PNISR: variants seen among roughly 807,000 people sequenced by gnomAD.
PNISR encodes arginine/serine-rich protein PNISR.
Under a neutral mutation model 93.4 loss-of-function variants are expected in PNISR, and 20 were observed. The observed-to-expected ratio is 0.21, with a 90% CI of 0.15 to 0.31. The LOEUF is 0.31. PNISR is among the 10% of genes least tolerant of loss of function. The pLI is 1.00. For synonymous variants in PNISR, 305 were observed against 306.5 expected (o/e 0.99, Z 0.05); for missense variants, 893 against 985.4 (o/e 0.91, Z 1.25).
rs753728017 is a variant in PNISR, at chr6:99,409,283, G to A, written c.563C>T (p.Pro188Leu). ...CTGGGGAGGTGCTGGAGGTCCTGGA[G>A]GTCCTGGTTGCCAATAAGGAGGATG... ...GFHPPYWQPG[P>L]PGPPAPPQNR... Residue 188 changes from proline (P) to leucine (L), a missense_variant, in exon 6 of 12, where the codon CCT becomes CTT. Coordinates refer to ENST00000369239, the MANE Select transcript of PNISR (RefSeq NM_032870.4). 13 of 1,613,704 alleles carry A rather than the reference G, an allele frequency of 8.1e-6. No individual in the cohort carries two copies. The East Asian group carries it at 2.5e-4, about 30-fold the overall frequency.
At chr6:99,418,513 T>C (rs939779906) in intron 1 of PNISR, among the ~76,000 whole-genome samples, 1 of 152,156 alleles carries the variant, frequency 6.6e-6, no homozygotes, top group East Asian at 1.9e-4. Context: ...AGGGTTTGAT[T>C]TGTATCACCT....
chr6:99,402,867 A>T, intron 10 of PNISR, 157 bp from the exon 11 acceptor site: 3 of 493,036 alleles, frequency 6.1e-6, no homozygotes, highest in Non-Finnish European at 1.1e-5. Context: ...TCAAACGCTT[A>T]AGGAGTTCAC....
intron 6 of PNISR, among the ~76,000 whole-genome samples, chr6:99,408,856 G>A (rs1776483875): frequency 6.6e-6 from 1 of 152,134 alleles, no homozygotes; most frequent in African/African-American, 2.4e-5. Flanking sequence ...GATTTAAAAG[G>A]AGAAGGGCTC....
In PNISR at chr6:99,401,496, C is replaced by G; in HGVS notation, c.1462G>C (p.Glu488Gln). Residue 488 changes from glutamate to glutamine, a missense_variant, in exon 12 of 12, where the codon GAA becomes CAA. Coordinates refer to ENST00000369239, the MANE Select transcript of PNISR (RefSeq NM_032870.4). ...TTTGGTTCTAAAACTGATGTGGTTTCATTTGGAGTTCTCTTCTTTTCATTA... is the reference window on the plus strand; with the variant it reads ...TTTGGTTCTAAAACTGATGTGGTTTGATTTGGAGTTCTCTTCTTTTCATTA... ...VVNEKKRTPNETTSVLEPKKE... is the reference protein window; with the variant it reads ...VVNEKKRTPNQTTSVLEPKKE... The G allele has an allele frequency of 6.2e-7, 1 of 1,613,074 alleles. No homozygotes were observed.
intron 5 of PNISR, chr6:99,410,535 T>C (rs1776775897): frequency 3.7e-6 from 2 of 535,364 alleles, no homozygotes; most frequent in Non-Finnish European, 6.6e-6. Flanking sequence ...GTAATGATCT[T>C]TTATACCATT....
Position 99,400,445 on chromosome 6 carries a change from G to A in PNISR, c.*95C>T. The A allele has an allele frequency of 2.0e-6, 3 of 1,468,358 alleles. No individual in the cohort carries two copies. The highest frequency in any genetic ancestry group is 2.7e-6 in the Non-Finnish European group (3 of 1,110,182). 91.0% of individuals were successfully genotyped at this position (1,468,358 alleles called of 1,614,324 possible). Reference sequence around the variant, plus strand: ...ATGATTATTTATCAAGTACCAAACTGAGTTTATTAAAGAGAGAGAGAAAGG... The same window carrying A: ...ATGATTATTTATCAAGTACCAAACTAAGTTTATTAAAGAGAGAGAGAAAGG... On this transcript the variant is annotated 3_prime_UTR_variant, in exon 12 of 12. Transcript: ENST00000369239.
Position 99,409,211 on chromosome 6 carries a change from G to A in PNISR, c.635C>T (p.Pro212Leu). ...PSSFRDRQRS[P>L]IALPVKQEPP... ...CTCCTGCTTCACAGGAAGTGCAATA[G>A]GTGAACGCTGACGATCCCTGAATGA... The change falls in exon 6 of 12, where the codon CCT becomes CTT. Residue 212 changes from proline to leucine, a missense_variant. Pro to Leu is a moderately conservative substitution (Grantham distance 98). Around this residue, in one of 3 missense-constraint regions of PNISR, gnomAD observed 866 missense variants for 935.1 expected, o/e 0.93. Transcript: ENST00000369239. 5.6e-6 allele frequency: 9 copies of A among 1,613,982 alleles called. No homozygotes were observed. Among genetic ancestry groups the A allele is most frequent in the Non-Finnish European group, 7.6e-6 (9 of 1,179,938 alleles).
chr6:99,411,953 T>C (rs545754045), intron 4 of PNISR: 12 of 219,848 alleles, frequency 5.5e-5, no homozygotes, highest in Admixed American at 1.5e-4. Flanking sequence ...GATTCCTCCA[T>C]AGTTTCAAGT....
chr6:99,406,236 G>A, intron 7 of PNISR, 68 bp from the exon 8 acceptor site: 1 of 1,015,226 alleles, frequency 9.9e-7, no homozygotes, highest in South Asian at 2.1e-5. Context: ...CTTACATACA[G>A]AAAATCTTAA....
rs144018677 is a variant in PNISR, at chr6:99,400,901, C to A, written c.2057G>T (p.Arg686Leu). ...DRKKKDKERE[R>L]EQDKRKEKQK... ...TTTCTCTTTTCTTTTATCCTGTTCACGTTCCCTTTCTTTGTCTTTCTTTTT... is the reference window on the plus strand; with the variant it reads ...TTTCTCTTTTCTTTTATCCTGTTCAAGTTCCCTTTCTTTGTCTTTCTTTTT... The change falls in exon 12 of 12, where the codon CGT becomes CTT. Residue 686 changes from arginine (R) to leucine (L), a missense_variant. By Grantham distance (102) the Arg-to-Leu change is moderately radical. Around this residue, in one of 3 missense-constraint regions of PNISR, gnomAD observed 866 missense variants for 935.1 expected, o/e 0.93. Transcript: ENST00000369239. 1.9e-6 allele frequency: 3 copies of A among 1,568,736 alleles called. No homozygotes were observed. In the South Asian group the frequency reaches 3.4e-5, roughly 18 times the overall value.
At chr6:99,404,791 T>A (rs1395979547) in intron 8 of PNISR, 89 bp from the exon 9 acceptor site, 1 of 685,296 alleles carries the variant, frequency 1.5e-6, no homozygotes, top group Non-Finnish European at 2.5e-6. Flanking sequence ...CAAAGCCATT[T>A]TTTTTTTCAG....
At chr6:99,412,780 G>A (rs769184920) in intron 3 of PNISR, 41 bp from the exon 4 acceptor site, 2 of 1,261,768 alleles carry the variant, frequency 1.6e-6, no homozygotes, top group Non-Finnish European at 2.2e-6. Context: ...CAGAATGTAG[G>A]AGTTAAAAGA....
chr6:99,416,114 A>G (rs1777663439), intron 2 of PNISR: 1 of 314,728 alleles, frequency 3.2e-6, no homozygotes, highest in South Asian at 1.6e-4. Context: ...TGAGGCCAAC[A>G]ACTGGTTTGG....
At chr6:99,416,789 T>C (rs910151184) in intron 1 of PNISR, among the ~76,000 whole-genome samples, 1 of 152,216 alleles carries the variant, frequency 6.6e-6, no homozygotes, top group African/African-American at 2.4e-5. Flanking sequence ...TAATAAAATG[T>C]ATTAATTTAA....
chr6:99,400,905 C>G lies in PNISR; in HGVS notation c.2053G>C (p.Glu685Gln). The change falls in exon 12 of 12, where the codon GAA (glutamate) becomes CAA (glutamine). Residue 685 changes from glutamate to glutamine, a missense_variant. By Grantham distance (29) the Glu-to-Gln change is conservative. Around this residue, in one of 3 missense-constraint regions of PNISR, gnomAD observed 866 missense variants for 935.1 expected, o/e 0.93. Coordinates refer to ENST00000369239, the MANE Select transcript of PNISR (RefSeq NM_032870.4). ...TCTTTTCTTTTATCCTGTTCACGTT[C>G]CCTTTCTTTGTCTTTCTTTTTCCTA... ...KDRKKKDKEREREQDKRKEKQ... is the reference protein window; with the variant it reads ...KDRKKKDKERQREQDKRKEKQ... 1.3e-6 allele frequency: 2 copies of G among 1,571,434 alleles called. No individual in the cohort carries two copies. Among genetic ancestry groups the G allele is most frequent in the Non-Finnish European group, 1.7e-6 (2 of 1,144,460 alleles).
intron 2 of PNISR, 47 bp downstream of exon 2, chr6:99,416,298 CAAAT>C: frequency 1.8e-6 from 1 of 544,998 alleles, no homozygotes; most frequent in Non-Finnish European, 2.8e-6. Flanking sequence ...TAAGAGTTAA[CAAAT>C]AAATAGGAAA....
Position 99,402,572 on chromosome 6 carries a change from T to C in PNISR, c.1295A>G (p.Glu432Gly). The part of the protein sequence containing the change: ...KQEAFWRKEK[E>G]QQLLHDKQME... The stretch of plus-strand genomic sequence containing the variant: ...CTGTTTATCATGTAATAGCTGCTGT[T>C]CTTTTTCTTTTCTCCAAAAAGCTTC... Residue 432 changes from glutamate (E) to glycine (G), a missense_variant, in exon 11 of 12, where the codon GAA becomes GGA. Glu to Gly is a moderately conservative substitution (Grantham distance 98). Coordinates refer to ENST00000369239, the MANE Select transcript of PNISR (RefSeq NM_032870.4). 1 of 1,613,618 alleles carries C rather than the reference T, an allele frequency of 6.2e-7. No homozygotes were observed. Among genetic ancestry groups the C allele is most frequent in the Non-Finnish European group, 8.5e-7 (1 of 1,179,670 alleles).
rs112969761 is a variant in PNISR at position 99,403,859 on chromosome 6, A to G, written c.1126T>C (p.Ser376Pro). Residue 376 changes from serine to proline, a missense_variant, in exon 10 of 12, where the codon TCC becomes CCC. This residue lies in a region of PNISR where 866 missense variants were observed against 935.1 expected (regional missense o/e 0.93). Coordinates refer to ENST00000369239, the MANE Select transcript of PNISR (RefSeq NM_032870.4). ...CCAGTGAGGGAAGCCAGTGCACTGGACTGTGCCAGCTGTTTTGCAGGAGCT... is the reference window on the plus strand; with the variant it reads ...CCAGTGAGGGAAGCCAGTGCACTGGGCTGTGCCAGCTGTTTTGCAGGAGCT... ...TKAPAKQLAQ[S>P]SALASLTGLG... 6.2e-7 allele frequency: 1 copy of G among 1,613,696 alleles called. No individual in the cohort carries two copies. The highest frequency in any genetic ancestry group is 8.5e-7 in the Non-Finnish European group (1 of 1,179,746).
intron 1 of PNISR, 116 bp downstream of exon 1, chr6:99,425,099 G>T: frequency 1.8e-6 from 1 of 571,354 alleles, no homozygotes; most frequent in Non-Finnish European, 2.6e-6. Context: ...AGGTTCCAGC[G>T]GTCGCGCCAA....
Sources: allele counts gnomAD v4.1 joint callset (sites outside exome capture counted in the v4.1 genomes callset), GRCh38; gene constraint gnomAD v4.1.1; regional missense constraint gnomAD v4.1.1; transcripts MANE v1.5; gene names NCBI Gene and HGNC (gene_info 2026-07-23, HGNC 2026-07-21).